NPC1: variants seen among roughly 807,000 people sequenced by gnomAD.
The protein encoded by NPC1 is Niemann-Pick C1 protein.
A neutral mutation model predicts 140.4 loss-of-function variants in NPC1; 85 were observed. The observed-to-expected ratio is 0.61, with a 90% confidence interval of 0.51 to 0.72. The LOEUF (loss-of-function observed/expected upper bound fraction) is 0.72, where lower values mean the gene tolerates loss of function less well. Ranked by LOEUF, NPC1 falls within the 30% of genes least tolerant of loss-of-function variation. The pLI is 0.00. For missense variants in NPC1, 1,504 were observed against 1,623.8 expected, an observed-to-expected ratio of 0.93 and a Z score of 1.27; for synonymous variants, 656 against 624.8, an observed-to-expected ratio of 1.05 and a Z score of -0.74.
At chr18:23,576,556 T>C in intron 1 of NPC1, 3 of 988,804 alleles carry the variant, frequency 3.0e-6, no homozygotes, top group Non-Finnish European at 3.6e-6. Flanking sequence ...GGTGGGTTCT[T>C]GGTCTCACTG....
At chr18:23,557,592 T>C (rs563946636) in intron 6 of NPC1, among the ~76,000 whole-genome samples, 35 of 152,182 alleles carry the variant, frequency 2.3e-4, no homozygotes, top group Admixed American at 4.6e-4. Flanking sequence ...CTGTCTCTAC[T>C]AAAAATACAA....
chr18:23,554,216 C>A (rs997840162), intron 9 of NPC1, among the ~76,000 whole-genome samples: 6 of 152,144 alleles, frequency 3.9e-5, no homozygotes, highest in Non-Finnish European at 8.8e-5. Context: ...ATGCACCCCC[C>A]ACTCTGTCCA....
chr18:23,586,319 C>T lies in NPC1; in HGVS notation c.25G>A (p.Gly9Ser), dbSNP rs1365975754. The change falls in exon 1 of 25, where the codon GGC becomes AGC. Residue 9 changes from glycine to serine, a missense_variant. Coordinates refer to ENST00000269228, the MANE Select transcript of NPC1 (RefSeq NM_000271.5). ...GGACACAGTAGCAGCAGGAGGAGGC[C>T]AAGGGCCAGGCCGCGAGCGGTCATG... MTARGLAL[G>S]LLLLLLCPAQ... 13 of 1,533,974 alleles carry T rather than the reference C, an allele frequency of 8.5e-6. No homozygotes were observed. The highest frequency in any genetic ancestry group is 1.1e-5 in the Non-Finnish European group (13 of 1,146,260).
downstream of NPC1, among the ~76,000 whole-genome samples, chr18:23,531,030 C>T (rs759923188): frequency 2.0e-5 from 3 of 152,010 alleles, no homozygotes; most frequent in African/African-American, 4.8e-5. Context: ...AGTCTCGCTC[C>T]GTTGCCCAGG....
chr18:23,561,899 G>C (rs539122560), intron 4 of NPC1, among the ~76,000 whole-genome samples: 1 of 152,286 alleles, frequency 6.6e-6, no homozygotes, highest in Non-Finnish European at 1.5e-5. Flanking sequence ...AACAAAGCTG[G>C]TTCCAGAAAA....
rs373327996 is a variant in NPC1, at chr18:23,544,250, C to CA, written c.2130+93dup. The stretch of plus-strand genomic sequence containing the variant: ...ACAGGGAAAGGAAACAAAACACCCT[C>CA]ACAGGTCACACTCACGAATGCGGAG... On this transcript the variant is annotated intron_variant, in intron 13 of 24. Coordinates refer to ENST00000269228, the MANE Select transcript of NPC1 (RefSeq NM_000271.5). 1.0e-4 allele frequency: 122 copies of CA among 1,222,354 alleles called. No individual in the cohort carries two copies. The Middle Eastern group carries it at 1.8e-3, about 18-fold the overall frequency. 75.7% of individuals were successfully genotyped at this position (1,222,354 alleles called of 1,614,324 possible).
chr18:23,573,337 C>A, intron 2 of NPC1, 115 bp downstream of exon 2: 1 of 1,439,578 alleles, frequency 6.9e-7, no homozygotes, highest in Non-Finnish European at 9.8e-7. Context: ...CGGGATAAGA[C>A]TTAAGCCTGT....
At chr18:23,518,475 C>G (rs1013566383), downstream of NPC1, among the ~76,000 whole-genome samples, 4 of 151,006 alleles carry the variant, frequency 2.6e-5, no homozygotes, top group African/African-American at 7.3e-5. Flanking sequence ...GCCTGGGTGA[C>G]AGAGGGAGAC....
At position 23,545,121 on chromosome 18, in the gene NPC1, T is replaced by G; in HGVS notation, c.1786A>C (p.Asn596His). 1 of 1,613,424 alleles carries G rather than the reference T, an allele frequency of 6.2e-7. No individual in the cohort carries two copies. ...GTGAAGGAAATGGTCAGATTGGGATTCTTGTAGTTTTTCACAAAATTAATA... is the reference window on the plus strand; with the variant it reads ...GTGAAGGAAATGGTCAGATTGGGATGCTTGTAGTTTTTCACAAAATTAATA... ...EFINFVKNYK[N>H]PNLTISFTAE... The change falls in exon 12 of 25, where the codon AAT becomes CAT. Residue 596 changes from asparagine (N) to histidine (H), a missense_variant. Physicochemically the swap from Asn to His is moderately conservative, Grantham distance 68. Coordinates refer to ENST00000269228, the MANE Select transcript of NPC1 (RefSeq NM_000271.5).
At chr18:23,509,030 CAG>C (rs2057781865) in intron 3 of NPC1, among the ~76,000 whole-genome samples, 1 of 152,098 alleles carries the variant, frequency 6.6e-6, no homozygotes, top group African/African-American at 2.4e-5. Flanking sequence ...GGGCAAAAAT[CAG>C]GGAACATTGT....
chr18:23,514,320 G>A (rs926043947), intron 3 of NPC1, among the ~76,000 whole-genome samples: 2 of 152,238 alleles, frequency 1.3e-5, no homozygotes, highest in Non-Finnish European at 2.9e-5. Context: ...TTCGAGACCA[G>A]CCTGGCCGCC....
At chr18:23,573,609 G>T in intron 1 of NPC1, 35 bp from the exon 2 acceptor site, 1 of 1,613,586 alleles carries the variant, frequency 6.2e-7, no homozygotes, top group Non-Finnish European at 8.5e-7. Flanking sequence ...AGTGTTACCA[G>T]GGTCTCAATG....
chr18:23,577,562 C>A (rs956764949), intron 1 of NPC1, among the ~76,000 whole-genome samples: 1 of 152,216 alleles, frequency 6.6e-6, no homozygotes, highest in Non-Finnish European at 1.5e-5. Flanking sequence ...GCCCAGCTGG[C>A]TTCACCTAGT....
At chr18:23,528,058 TGGA>T (rs2058359928), downstream of NPC1, 3 of 582,378 alleles carry the variant, frequency 5.2e-6, no homozygotes, top group East Asian at 3.0e-5. Flanking sequence ...TGGGGGATAG[TGGA>T]GGAGTAGTAA....
At chr18:23,529,832 T>C, downstream of NPC1, 1 of 1,124,280 alleles carries the variant, frequency 8.9e-7, no homozygotes. Flanking sequence ...CTCAGAATGC[T>C]GAGTGACTCC....
chr18:23,568,657 G>A (rs561673664), intron 4 of NPC1, among the ~76,000 whole-genome samples, 166 bp downstream of exon 4: 17 of 152,218 alleles, frequency 1.1e-4, no homozygotes, highest in African/African-American at 2.4e-4. Flanking sequence ...TTTTATATTC[G>A]TTGCAGTTCA....
intron 1 of NPC1, among the ~76,000 whole-genome samples, chr18:23,575,345 G>T (rs922391819): frequency 5.3e-5 from 8 of 152,186 alleles, no homozygotes; most frequent in African/African-American, 1.4e-4. Flanking sequence ...GTGGAAGAGG[G>T]GTGGGTGAGA....
intron 19 of NPC1, 175 bp from the exon 20 acceptor site, chr18:23,538,846 C>T (rs2145368062): frequency 1.5e-6 from 1 of 677,752 alleles, no homozygotes; most frequent in Non-Finnish European, 2.5e-6. Context: ...GTCACTTTCA[C>T]AGTTTAATGA....
intron 1 of NPC1, among the ~76,000 whole-genome samples, chr18:23,579,666 A>G (rs1788784): frequency 0.75 from 114,026 of 151,848 alleles, 43,955 homozygotes; most frequent in East Asian, 0.93. Context: ...CGAGGTGGGC[A>G]GATCACGAGG....
Sources: gnomAD v4.1 joint callset for allele counts (sites outside exome capture counted in the v4.1 genomes callset) on GRCh38, gnomAD v4.1.1 for gene constraint, MANE v1.5 for transcripts, NCBI Gene and HGNC (gene_info 2026-07-23, HGNC 2026-07-21) for gene names.